The following ATXN2 variants were observed in gnomAD, a reference collection of about 807,000 sequenced individuals.
The protein encoded by ATXN2 is ataxin-2.
A neutral mutation model predicts 138.6 loss-of-function variants in ATXN2; 37 were observed. The ratio of observed to expected loss-of-function variants is 0.27; its 90% CI spans 0.21 to 0.35. The LOEUF is 0.35. Among genes scored for constraint, ATXN2 ranks in the 10% least tolerant of loss-of-function variants. ATXN2 has a pLI of 1.00. For synonymous variants in ATXN2, 549 were observed against 543.7 expected (o/e 1.01, Z -0.13); for missense variants, 1,216 against 1,480.3 (o/e 0.82, Z 2.93).
intron 5 of ATXN2, among the ~76,000 whole-genome samples, chr12:111,534,383 T>C (rs1218145538): frequency 3.3e-5 from 5 of 152,004 alleles, no homozygotes; most frequent in African/African-American, 1.2e-4. Flanking sequence ...ACCTCAGTGA[T>C]AGAGTGAGAC....
At chr12:111,456,006 A>G (rs200594088) in intron 23 of ATXN2, 23 bp downstream of exon 23, 2 of 1,606,504 alleles carry the variant, frequency 1.2e-6, no homozygotes, top group African/African-American at 1.3e-5. Context: ...CCTTCACAGA[A>G]AGTTGGCTAA....
intron 14 of ATXN2, among the ~76,000 whole-genome samples, chr12:111,490,780 G>C (rs762150244): frequency 2.6e-5 from 4 of 152,256 alleles, no homozygotes; most frequent in Non-Finnish European, 5.9e-5. Context: ...ATGCAGTGTG[G>C]GGTGGAGAAA....
chr12:111,533,620 G>A (rs1880976188), intron 5 of ATXN2, among the ~76,000 whole-genome samples: 1 of 151,830 alleles, frequency 6.6e-6, no homozygotes, highest in East Asian at 1.9e-4. Context: ...CTACTTCTCA[G>A]GTTCAAGCAA....
At chr12:111,564,752 T>A (rs1882897175) in intron 1 of ATXN2, 2 of 152,214 alleles carry the variant, frequency 1.3e-5, no homozygotes, top group Admixed American at 1.3e-4. Flanking sequence ...TACAAGACCC[T>A]GTCTTTTAAA....
intron 14 of ATXN2, among the ~76,000 whole-genome samples, chr12:111,491,229 G>T (rs1056838651): frequency 2.0e-5 from 3 of 152,022 alleles, no homozygotes; most frequent in African/African-American, 7.2e-5. Context: ...CTCCAGCCTG[G>T]GCAATAAGAG....
chr12:111,585,595 A>C (rs1884279259), intron 1 of ATXN2, among the ~76,000 whole-genome samples: 2 of 151,896 alleles, frequency 1.3e-5, no homozygotes, highest in South Asian at 4.1e-4. Context: ...ACCTGAGGTC[A>C]GGAGTTCGAG....
intron 1 of ATXN2, chr12:111,597,870 C>T (rs1354455025): frequency 3.1e-6 from 4 of 1,288,470 alleles, no homozygotes; most frequent in Non-Finnish European, 1.0e-6. Flanking sequence ...ACCAGCACCG[C>T]CACCCCGGAT....
intron 14 of ATXN2, among the ~76,000 whole-genome samples, chr12:111,500,008 T>G (rs1566026619): frequency 6.6e-6 from 1 of 152,234 alleles, no homozygotes; most frequent in African/African-American, 2.4e-5. Context: ...CACACACTGT[T>G]GGTGGACATG....
At chr12:111,580,155 A>C (rs1883914326) in intron 1 of ATXN2, among the ~76,000 whole-genome samples, 1 of 151,760 alleles carries the variant, frequency 6.6e-6, no homozygotes, top group African/African-American at 2.4e-5. Flanking sequence ...TGCAGACAGA[A>C]AGTTCGGTGT....
At chr12:111,479,228 A>T (rs1244295334) in intron 18 of ATXN2, 4 of 277,866 alleles carry the variant, frequency 1.4e-5, no homozygotes, top group Non-Finnish European at 2.6e-5. Flanking sequence ...CTGTGGTATA[A>T]TCATAAAATG....
At chr12:111,593,384 C>A (rs1260507315) in intron 1 of ATXN2, among the ~76,000 whole-genome samples, 1 of 151,938 alleles carries the variant, frequency 6.6e-6, no homozygotes, top group African/African-American at 2.4e-5. Context: ...TATGAGCCAC[C>A]GCGCCTGGCC....
chr12:111,499,568 G>A (rs1235876297), intron 14 of ATXN2, among the ~76,000 whole-genome samples: 1 of 151,988 alleles, frequency 6.6e-6, no homozygotes, highest in East Asian at 1.9e-4. Context: ...GGCAGACATG[G>A]TGGCAGGAGG....
In ATXN2 at chr12:111,560,247, CAAAT is replaced by C. The variant is rs1377894918; in HGVS notation, c.252-4332_252-4329del. Among the ~76,000 whole-genome samples the C allele has an allele frequency of 3.9e-5, 6 of 152,178 alleles. No homozygotes were observed. The East Asian group carries it at 5.8e-4, about 15-fold the overall frequency. ...AAAAATAAATACAATAAAAATAAGACAAATAAAAAATATATAACAACTATTTACC... is the reference window on the plus strand; with the variant it reads ...AAAAATAAATACAATAAAAATAAGACAAAAAATATATAACAACTATTTACC... On this transcript the variant is annotated intron_variant, in intron 1 of 24. Transcript: ENST00000673436.
chr12:111,480,119 A>G (rs1033204191), intron 18 of ATXN2, among the ~76,000 whole-genome samples: 17 of 152,084 alleles, frequency 1.1e-4, no homozygotes, highest in Admixed American at 9.8e-4. Flanking sequence ...GTGGTAATAA[A>G]GTACAGTTGG....
At chr12:111,562,348 G>A (rs1223807261) in intron 1 of ATXN2, among the ~76,000 whole-genome samples, 2 of 152,054 alleles carry the variant, frequency 1.3e-5, no homozygotes, top group African/African-American at 4.8e-5. Flanking sequence ...CTTGAGCCCA[G>A]GAGTTTGAGG....
At chr12:111,547,235 TG>T (rs1220554910) in intron 5 of ATXN2, among the ~76,000 whole-genome samples, 1 of 151,888 alleles carries the variant, frequency 6.6e-6, no homozygotes, top group Admixed American at 6.6e-5. Flanking sequence ...GAGAAGAGCC[TG>T]GCCAATATGG....
chr12:111,505,865 T>C (rs1879072133), intron 14 of ATXN2, among the ~76,000 whole-genome samples: 2 of 152,062 alleles, frequency 1.3e-5, no homozygotes, highest in South Asian at 2.1e-4. Flanking sequence ...AATGAAAAGA[T>C]AGGACGAGAA....
intron 1 of ATXN2, among the ~76,000 whole-genome samples, chr12:111,572,861 C>G (rs1325506233): frequency 6.6e-6 from 1 of 152,128 alleles, no homozygotes; most frequent in Non-Finnish European, 1.5e-5. Flanking sequence ...AATTTTCCTA[C>G]AGAAGCATCC....
chr12:111,454,846 C>T, intron 23 of ATXN2: 1 of 528,168 alleles, frequency 1.9e-6, no homozygotes, highest in South Asian at 2.5e-5. Context: ...CCTACTTAGC[C>T]ACCAGCCTCT....
Sources: gnomAD v4.1 joint callset for allele counts (sites outside exome capture counted in the v4.1 genomes callset) on GRCh38, gnomAD v4.1.1 for gene constraint, MANE v1.5 for transcripts, NCBI Gene and HGNC (gene_info 2026-07-23, HGNC 2026-07-21) for gene names.